The following OTUD7A variants were observed in gnomAD, a reference collection of about 807,000 sequenced individuals.
OTUD7A encodes the protein OTU deubiquitinase 7A.
Under a neutral mutation model 65.7 loss-of-function variants are expected in OTUD7A, and 12 were observed. The ratio of observed to expected loss-of-function variants is 0.18; its 90% CI spans 0.12 to 0.30. OTUD7A has a LOEUF of 0.30. OTUD7A is among the 10% of genes least tolerant of loss of function. The pLI is 1.00. For synonymous variants in OTUD7A, 641 were observed against 586.3 expected (o/e 1.09, Z -1.35); for missense variants, 1,148 against 1,304.8 (o/e 0.88, Z 1.85).
intron 8 of OTUD7A, among the ~76,000 whole-genome samples, chr15:31,505,667 G>T (rs957394776): frequency 6.6e-6 from 1 of 151,882 alleles, no homozygotes; most frequent in African/African-American, 2.4e-5. Flanking sequence ...ATAAGTTTTT[G>T]TATAAAATTT....
intron 3 of OTUD7A, among the ~76,000 whole-genome samples, chr15:31,578,621 A>G (rs1889277528): frequency 6.6e-6 from 1 of 150,814 alleles, no homozygotes; most frequent in East Asian, 1.9e-4. Context: ...GTGCAATTTC[A>G]GCTCACTGCA....
intron 1 of OTUD7A, among the ~76,000 whole-genome samples, chr15:31,860,677 G>GTGTGTATATATATATATAAATATATA (rs560896384): frequency 1.4e-5 from 1 of 73,284 alleles, no homozygotes. Flanking sequence ...ATGTATGTGT[G>GTGTGTATATATATATATAAATATATA]TATATATATA....
intron 1 of OTUD7A, among the ~76,000 whole-genome samples, chr15:31,844,155 T>C (rs1416933939): frequency 6.6e-6 from 1 of 152,210 alleles, no homozygotes; most frequent in Non-Finnish European, 1.5e-5. Flanking sequence ...TTTTGACCTC[T>C]AGCATCCCAG....
intron 6 of OTUD7A, among the ~76,000 whole-genome samples, chr15:31,528,158 G>A (rs1296699099): frequency 1.3e-5 from 2 of 152,262 alleles, no homozygotes; most frequent in Non-Finnish European, 2.9e-5. Flanking sequence ...AGTGGGAAGT[G>A]AGGATAGCCA....
At chr15:31,522,560 C>T (rs762238042) in intron 8 of OTUD7A, among the ~76,000 whole-genome samples, 12 of 152,182 alleles carry the variant, frequency 7.9e-5, no homozygotes, top group Non-Finnish European at 1.5e-4. Context: ...AACCCTAATA[C>T]ATTATCTAAT....
chr15:31,761,843 C>T (rs1050613337), intron 1 of OTUD7A, among the ~76,000 whole-genome samples: 2 of 152,162 alleles, frequency 1.3e-5, no homozygotes, highest in East Asian at 3.9e-4. Flanking sequence ...GAAGGAAGTA[C>T]TGGTACTTAC....
chr15:31,841,348 T>G (rs941830365), intron 1 of OTUD7A, among the ~76,000 whole-genome samples: 1 of 152,138 alleles, frequency 6.6e-6, no homozygotes, highest in African/African-American at 2.4e-5. Context: ...ATGAGGCTGC[T>G]GAATGGTGGA....
chr15:31,845,214 C>T (rs1054885792), intron 1 of OTUD7A, among the ~76,000 whole-genome samples: 2 of 152,178 alleles, frequency 1.3e-5, no homozygotes, highest in African/African-American at 4.8e-5. Flanking sequence ...ACTGGGCATC[C>T]TCTCACCTGC....
intron 1 of OTUD7A, among the ~76,000 whole-genome samples, chr15:31,769,848 AG>A (rs1895187566): frequency 6.6e-6 from 1 of 152,180 alleles, no homozygotes; most frequent in African/African-American, 2.4e-5. Flanking sequence ...AGCTTGGGGG[AG>A]TTTTGCCAGG....
intron 1 of OTUD7A, among the ~76,000 whole-genome samples, chr15:31,869,244 T>C (rs192750873): frequency 8.0e-4 from 122 of 152,262 alleles, no homozygotes; most frequent in Admixed American, 4.2e-3. Context: ...TGAACCCTCT[T>C]TGGGTCTTGA....
intron 3 of OTUD7A, among the ~76,000 whole-genome samples, chr15:31,626,146 T>C (rs1286557541): frequency 6.6e-6 from 1 of 152,220 alleles, no homozygotes; most frequent in African/African-American, 2.4e-5. Context: ...TACCTATTAA[T>C]GGCATACCTA....
At chr15:31,688,639 G>A (rs1394786594) in intron 1 of OTUD7A, among the ~76,000 whole-genome samples, 2 of 152,204 alleles carry the variant, frequency 1.3e-5, no homozygotes, top group Admixed American at 6.5e-5. Context: ...AGTGGTAATA[G>A]TGCTATACTT....
chr15:31,766,845 C>T (rs1325163897), intron 1 of OTUD7A: 10 of 1,611,388 alleles, frequency 6.2e-6, no homozygotes, highest in East Asian at 2.2e-5. Flanking sequence ...CTTCTATGTT[C>T]GGAAAAGATT....
intron 1 of OTUD7A, among the ~76,000 whole-genome samples, chr15:31,854,305 G>A (rs752164866): frequency 9.9e-5 from 15 of 152,106 alleles, no homozygotes; most frequent in Non-Finnish European, 1.5e-4. Context: ...CACCTGGGTC[G>A]TCCAGGATCA....
chr15:31,509,800 T>TA (rs2041651945), intron 8 of OTUD7A, among the ~76,000 whole-genome samples: 2 of 152,112 alleles, frequency 1.3e-5, no homozygotes, highest in Non-Finnish European at 2.9e-5. Context: ...TTTATGACTT[T>TA]TATAGACAAT....
chr15:31,555,814 C>T (rs1216301328), intron 5 of OTUD7A, among the ~76,000 whole-genome samples: 1 of 150,786 alleles, frequency 6.6e-6, no homozygotes, highest in African/African-American at 2.4e-5. Context: ...TCTGAGGGAG[C>T]ACACACACAG....
intron 3 of OTUD7A, among the ~76,000 whole-genome samples, chr15:31,590,576 G>A (rs1195824832): frequency 1.3e-5 from 2 of 152,200 alleles, no homozygotes; most frequent in Non-Finnish European, 1.5e-5. Context: ...TTCCACAGAC[G>A]AAATTATCTT....
chr15:31,811,072 C>T (rs1219749074), intron 1 of OTUD7A, among the ~76,000 whole-genome samples: 2 of 152,176 alleles, frequency 1.3e-5, no homozygotes, highest in Admixed American at 6.5e-5. Context: ...GCAGTGAGAA[C>T]AAACATTATA....
intron 1 of OTUD7A, among the ~76,000 whole-genome samples, chr15:31,787,061 A>G (rs1895693055): frequency 6.6e-6 from 1 of 152,226 alleles, no homozygotes; most frequent in African/African-American, 2.4e-5. Context: ...CATGGCATAC[A>G]TGGCCAGAGA....
Sources: allele counts gnomAD v4.1 joint callset (sites outside exome capture counted in the v4.1 genomes callset), GRCh38; gene constraint gnomAD v4.1.1; transcripts MANE v1.5; gene names NCBI Gene and HGNC (gene_info 2026-07-23, HGNC 2026-07-21).